CBR4: variants seen among roughly 807,000 people sequenced by gnomAD.
The protein encoded by CBR4 is 3-oxoacyl-[acyl-carrier-protein] reductase.
A neutral mutation model predicts 21.0 loss-of-function variants in CBR4; 22 were observed. The ratio of observed to expected loss-of-function variants is 1.05; its 90% confidence interval spans 0.75 to 1.50. The LOEUF is 1.50. Among genes scored for constraint, CBR4 ranks in the 40% most tolerant of loss-of-function variants. The pLI is 0.00. For synonymous variants in CBR4, 100 were observed against 104.4 expected (o/e 0.96, Z 0.26); for missense variants, 302 against 286.3 (o/e 1.05, Z -0.40).
At chr4:168,966,895 G>C (rs1175816500) in intron 2 of CBR4, among the ~76,000 whole-genome samples, 1 of 151,930 alleles carries the variant, frequency 6.6e-6, no homozygotes, top group African/African-American at 2.4e-5. Context: ...GCAGGTACCT[G>C]TAGTCCCAGC....
intron 2 of CBR4, chr4:168,924,470 T>G: frequency 6.7e-7 from 1 of 1,497,400 alleles, no homozygotes; most frequent in South Asian, 1.1e-5. Context: ...GTCCTAATGA[T>G]GTATCAAAAG....
intron 2 of CBR4, among the ~76,000 whole-genome samples, chr4:168,974,125 G>A (rs766551384): frequency 3.3e-5 from 5 of 152,058 alleles, no homozygotes; most frequent in African/African-American, 9.7e-5. Flanking sequence ...TGGTAGTGGC[G>A]AATTCGCTCA....
chr4:168,968,877 T>A (rs937732739), intron 2 of CBR4, among the ~76,000 whole-genome samples: 1 of 152,254 alleles, frequency 6.6e-6, no homozygotes, highest in African/African-American at 2.4e-5. Flanking sequence ...TCTCTCTCCA[T>A]AAGTCAAAGA....
chr4:168,978,381 G>C (rs1397317178), intron 2 of CBR4, among the ~76,000 whole-genome samples: 1 of 152,184 alleles, frequency 6.6e-6, no homozygotes, highest in African/African-American at 2.4e-5. Context: ...GGGAGACAGA[G>C]TGGCCAGTAA....
intron 2 of CBR4, among the ~76,000 whole-genome samples, chr4:168,946,923 C>A (rs1020569777): frequency 1.3e-5 from 2 of 152,188 alleles, no homozygotes; most frequent in African/African-American, 4.8e-5. Context: ...CAACTACGCA[C>A]ATGGAGCTTC....
At chr4:168,924,151 T>C in intron 2 of CBR4, 3 of 986,990 alleles carry the variant, frequency 3.0e-6, no homozygotes, top group East Asian at 5.0e-5. Flanking sequence ...TAAAAAATGG[T>C]ATCATAAAAG....
intron 2 of CBR4, chr4:168,898,340 G>T: frequency 4.4e-5 from 29 of 664,434 alleles, no homozygotes; most frequent in Middle Eastern, 8.0e-4. Context: ...GATGTTTTTT[G>T]TTTCATATGC....
At chr4:168,912,305 T>C (rs1315539030) in intron 2 of CBR4, among the ~76,000 whole-genome samples, 1 of 152,254 alleles carries the variant, frequency 6.6e-6, no homozygotes, top group Non-Finnish European at 1.5e-5. Context: ...TAGAACTCAC[T>C]AAGTCTAATC....
chr4:168,978,311 G>C (rs1436467562), intron 2 of CBR4, among the ~76,000 whole-genome samples: 1 of 152,178 alleles, frequency 6.6e-6, no homozygotes, highest in African/African-American at 2.4e-5. Flanking sequence ...AAAATATTTG[G>C]GGGAGGGGAG....
intron 2 of CBR4, among the ~76,000 whole-genome samples, chr4:168,917,048 G>GT (rs1422649296): frequency 2.1e-5 from 3 of 143,372 alleles, no homozygotes; most frequent in Non-Finnish European, 1.5e-5. Context: ...GTTTTTTTGG[G>GT]GTTTTTTTTT....
chr4:168,989,072 T>C lies in CBR4; in HGVS notation c.*1078A>G. The C allele has an allele frequency of 1.0e-6, 1 of 984,878 alleles. No individual in the cohort carries two copies. The highest frequency in any genetic ancestry group is 1.2e-6 in the Non-Finnish European group (1 of 829,386). 61.0% of individuals were successfully genotyped at this position (984,878 alleles called of 1,614,324 possible). A position where few individuals can be genotyped will look rare whatever the true frequency, so the allele number is the denominator to read the frequency against. On this transcript the variant is annotated 3_prime_UTR_variant, in exon 5 of 5. Coordinates refer to ENST00000306193, the MANE Select transcript of CBR4 (RefSeq NM_032783.5). ...GGCAAATATTCTCACTTAAGACCAGTGCCTTCACTGCTTCTTGTAAAGACA... is the reference window on the plus strand; with the variant it reads ...GGCAAATATTCTCACTTAAGACCAGCGCCTTCACTGCTTCTTGTAAAGACA...
intron 2 of CBR4, among the ~76,000 whole-genome samples, chr4:168,924,587 TA>T (rs2126579251): frequency 6.6e-6 from 1 of 152,308 alleles, no homozygotes; most frequent in South Asian, 2.1e-4. Context: ...AATGTAGGAT[TA>T]AGCTTTTAGA....
At chr4:168,939,815 C>A (rs1763213539) in intron 2 of CBR4, among the ~76,000 whole-genome samples, 2 of 152,170 alleles carry the variant, frequency 1.3e-5, no homozygotes, top group South Asian at 4.1e-4. Context: ...AAAAACATTC[C>A]ATGCTCATGG....
chr4:168,961,752 T>C (rs1446413743), intron 2 of CBR4, among the ~76,000 whole-genome samples: 1 of 151,960 alleles, frequency 6.6e-6, no homozygotes, highest in Non-Finnish European at 1.5e-5. Flanking sequence ...TAGCTGGCCA[T>C]GGCGAAAGGC....
intron 2 of CBR4, among the ~76,000 whole-genome samples, chr4:168,955,216 A>C (rs181974621): frequency 2.2e-4 from 34 of 152,322 alleles, no homozygotes; most frequent in Non-Finnish European, 4.1e-4. Flanking sequence ...AGAGAGGTAA[A>C]TCCTCCTCTT....
intron 3 of CBR4, chr4:169,006,005 G>T: frequency 1.1e-6 from 1 of 915,516 alleles, no homozygotes. Context: ...AAGTCATTTT[G>T]CATTTTAAGT....
At chr4:168,927,366 C>G (rs1762696080) in intron 2 of CBR4, 1 of 232,636 alleles carries the variant, frequency 4.3e-6, no homozygotes, top group African/African-American at 2.2e-5. Flanking sequence ...GTCAAGGAAC[C>G]CAGGGCCAGC....
chr4:168,899,715 G>A (rs998119076), intron 2 of CBR4, among the ~76,000 whole-genome samples: 4 of 152,002 alleles, frequency 2.6e-5, no homozygotes, highest in African/African-American at 7.3e-5. Context: ...TCAGGAGTTC[G>A]AGACCAGCCT....
At chr4:168,959,119 C>A in intron 2 of CBR4, among the ~76,000 whole-genome samples, 1 of 152,034 alleles carries the variant, frequency 6.6e-6, no homozygotes, top group East Asian at 1.9e-4. Context: ...CACTGCCTAC[C>A]CCAAAGTCAC....
Sources: allele counts gnomAD v4.1 joint callset (sites outside exome capture counted in the v4.1 genomes callset), GRCh38; gene constraint gnomAD v4.1.1; transcripts MANE v1.5; gene names NCBI Gene and HGNC (gene_info 2026-07-23, HGNC 2026-07-21).